The following GRHL2 variants were observed in gnomAD, a reference collection of about 807,000 sequenced individuals.
The protein encoded by GRHL2 is grainyhead like transcription factor 2.
GRHL2 carries 21 observed loss-of-function variants against 83.8 expected under a neutral mutation model. The observed-to-expected ratio is 0.25, with a 90% CI of 0.18 to 0.36. GRHL2 has a LOEUF of 0.36. Among genes scored for constraint, GRHL2 ranks in the 10% least tolerant of loss-of-function variants. The pLI is 1.00. For synonymous variants in GRHL2, 280 were observed against 278.9 expected (o/e 1.00, Z -0.04); for missense variants, 623 against 781.8 (o/e 0.80, Z 2.42).
intron 8 of GRHL2, among the ~76,000 whole-genome samples, chr8:101,617,169 C>A (rs962344353): frequency 1.3e-5 from 2 of 151,894 alleles, no homozygotes; most frequent in Non-Finnish European, 2.9e-5. Context: ...CGTGTTGTAC[C>A]TTAGTTTGCT....
chr8:101,582,754 G>A (rs1381377011), intron 7 of GRHL2, among the ~76,000 whole-genome samples: 1 of 152,206 alleles, frequency 6.6e-6, no homozygotes. Context: ...TAAGCCAGAA[G>A]TGGAGCTCAG....
intron 7 of GRHL2, among the ~76,000 whole-genome samples, chr8:101,580,314 C>T (rs1210320839): frequency 6.6e-6 from 1 of 152,166 alleles, no homozygotes; most frequent in Admixed American, 6.5e-5. Flanking sequence ...CAGATTATCT[C>T]AAATCTTCTC....
At chr8:101,541,611 G>T (rs1285619124) in intron 1 of GRHL2, among the ~76,000 whole-genome samples, 1 of 152,030 alleles carries the variant, frequency 6.6e-6, no homozygotes, top group African/African-American at 2.4e-5. Flanking sequence ...GCCATGTTAC[G>T]ATGTGCTGAC....
chr8:101,669,795 T>C (rs1308422339), downstream of GRHL2: 2 of 152,190 alleles, frequency 1.3e-5, no homozygotes, highest in Non-Finnish European at 2.9e-5. Context: ...GAGGTTTCCA[T>C]GTGACGTGGG....
chr8:101,524,704 G>T (rs1013405056), intron 1 of GRHL2, among the ~76,000 whole-genome samples: 4 of 151,970 alleles, frequency 2.6e-5, no homozygotes, highest in African/African-American at 7.2e-5. Flanking sequence ...TGTATTATAA[G>T]AGTTCTTTGA....
intron 1 of GRHL2, among the ~76,000 whole-genome samples, chr8:101,507,638 A>G (rs1274614378): frequency 2.0e-5 from 3 of 152,158 alleles, no homozygotes; most frequent in Admixed American, 1.3e-4. Flanking sequence ...GCTTTCCATG[A>G]CAATAAATAT....
chr8:101,514,631 G>A (rs1810532051), intron 1 of GRHL2, among the ~76,000 whole-genome samples: 1 of 152,210 alleles, frequency 6.6e-6, no homozygotes, highest in Non-Finnish European at 1.5e-5. Context: ...GGGCCCATGG[G>A]CAGCTGCTCT....
intron 12 of GRHL2, among the ~76,000 whole-genome samples, chr8:101,643,219 T>C (rs1813437060): frequency 6.6e-6 from 1 of 152,074 alleles, no homozygotes; most frequent in African/African-American, 2.4e-5. Flanking sequence ...TTCGGGATTG[T>C]GATCAGCACC....
At chr8:101,656,489 T>G (rs1030773916) in intron 14 of GRHL2, among the ~76,000 whole-genome samples, 4 of 152,174 alleles carry the variant, frequency 2.6e-5, no homozygotes. Flanking sequence ...TTAAGCCCAA[T>G]TAGGGAGACA....
intron 13 of GRHL2, 140 bp downstream of exon 13, chr8:101,644,365 C>A: frequency 2.9e-6 from 2 of 700,408 alleles, no homozygotes; most frequent in Non-Finnish European, 5.1e-6. Flanking sequence ...AGTCCACAGT[C>A]TTCTTCTTTG....
intron 14 of GRHL2, among the ~76,000 whole-genome samples, chr8:101,654,283 C>T (rs1586175038): frequency 6.6e-6 from 1 of 152,314 alleles, no homozygotes; most frequent in East Asian, 1.9e-4. Context: ...TTGCTCTCAT[C>T]CTGGACTAAT....
the GRHL2 span, among the ~76,000 whole-genome samples, chr8:101,681,141 G>T: frequency 6.7e-6 from 1 of 150,314 alleles, no homozygotes; most frequent in South Asian, 2.2e-4. Flanking sequence ...TCCAGGAGCT[G>T]GTTTTTTATA....
At chr8:101,611,734 A>G (rs1202427265) in intron 8 of GRHL2, among the ~76,000 whole-genome samples, 1 of 150,802 alleles carries the variant, frequency 6.6e-6, no homozygotes. Context: ...AGAGATGCAC[A>G]CTTGGCCTCA....
rs1265828547 is a variant in GRHL2 at position 101,611,340 on chromosome 8, C to T, written c.1099-8199C>T. On this transcript the variant is annotated intron_variant, in intron 8 of 15. Coordinates refer to ENST00000646743, the MANE Select transcript of GRHL2 (RefSeq NM_024915.4). ...GCTCTTTCTTCCTCTCACAAAACTT[C>T]ACTTGTGAGTTGATCTCCTTTATCC... 4.6e-5 allele frequency among the ~76,000 whole-genome samples: 7 copies of T among 150,924 alleles called. 2 individuals carry two copies. The highest frequency in any genetic ancestry group is 1.7e-4 in the African/African-American group (7 of 40,330).
chr8:101,669,968 A>ATTCT (rs148577067), downstream of GRHL2, among the ~76,000 whole-genome samples: 236 of 152,272 alleles, frequency 1.5e-3, 1 homozygote, highest in African/African-American at 5.6e-3. Flanking sequence ...CAGGGTGGTT[A>ATTCT]TTCTTGGCCA....
chr8:101,543,789 G>T (rs1811205367), intron 2 of GRHL2: 5 of 299,658 alleles, frequency 1.7e-5, no homozygotes, highest in South Asian at 1.6e-4. Context: ...ACATTGAGTG[G>T]CTTTATTAGT....
chr8:101,569,956 T>C (rs1046809950), intron 4 of GRHL2, among the ~76,000 whole-genome samples: 6 of 152,258 alleles, frequency 3.9e-5, no homozygotes, highest in Non-Finnish European at 7.3e-5. Flanking sequence ...TGCTTTTTGC[T>C]GCGCTATATG....
At chr8:101,641,123 TG>T (rs1303430917) in intron 12 of GRHL2, among the ~76,000 whole-genome samples, 1 of 152,178 alleles carries the variant, frequency 6.6e-6, no homozygotes, top group African/African-American at 2.4e-5. Flanking sequence ...GTGTGTTTTT[TG>T]TTTTTGGTTT....
At chr8:101,596,850 G>C (rs547385452) in intron 7 of GRHL2, among the ~76,000 whole-genome samples, 9 of 152,096 alleles carry the variant, frequency 5.9e-5, no homozygotes, top group Admixed American at 5.2e-4. Flanking sequence ...GGCCACACAC[G>C]CTTTTATATT....
Sources: gnomAD v4.1 joint callset for allele counts (sites outside exome capture counted in the v4.1 genomes callset) on GRCh38, gnomAD v4.1.1 for gene constraint, MANE v1.5 for transcripts, NCBI Gene and HGNC (gene_info 2026-07-23, HGNC 2026-07-21) for gene names.